The following SPOCK3 variants were observed in gnomAD, a reference collection of about 807,000 sequenced individuals.
The protein encoded by SPOCK3 is testican-3.
Under a neutral mutation model 56.6 loss-of-function variants are expected in SPOCK3, and 30 were observed. The ratio of observed to expected loss-of-function variants is 0.53; its 90% CI spans 0.40 to 0.72. SPOCK3 has a LOEUF of 0.72. Ranked by LOEUF, SPOCK3 falls within the 30% of genes least tolerant of loss-of-function variation. The pLI is 0.00. For synonymous variants in SPOCK3, 196 were observed against 183.3 expected, an observed-to-expected ratio of 1.07 and a Z score of -0.56; for missense variants, 527 against 530.0, an observed-to-expected ratio of 0.99 and a Z score of 0.06.
chr4:167,223,797 T>A (rs1021382828), intron 2 of SPOCK3, among the ~76,000 whole-genome samples: 1 of 152,096 alleles, frequency 6.6e-6, no homozygotes, highest in African/African-American at 2.4e-5. Flanking sequence ...AAAATTAAAT[T>A]AAAAGTGAAC....
At chr4:166,985,280 C>T (rs1747025677) in intron 4 of SPOCK3, among the ~76,000 whole-genome samples, 1 of 152,080 alleles carries the variant, frequency 6.6e-6, no homozygotes, top group Non-Finnish European at 1.5e-5. Flanking sequence ...TTCAAATTGA[C>T]TGCAAAAATC....
chr4:166,916,453 G>A (rs960469041), intron 4 of SPOCK3, among the ~76,000 whole-genome samples: 8 of 152,172 alleles, frequency 5.3e-5, no homozygotes, highest in African/African-American at 1.9e-4. Context: ...TCATATGAAA[G>A]CTCAACAGTC....
chr4:166,998,931 AT>A (rs1748671527), intron 4 of SPOCK3, among the ~76,000 whole-genome samples: 1 of 152,126 alleles, frequency 6.6e-6, no homozygotes, highest in South Asian at 2.1e-4. Context: ...ATTAATAGAA[AT>A]GCCAAGAAAT....
At chr4:166,954,294 G>C (rs146908646) in intron 4 of SPOCK3, among the ~76,000 whole-genome samples, 2 of 152,200 alleles carry the variant, frequency 1.3e-5, no homozygotes, top group African/African-American at 4.8e-5. Flanking sequence ...CTGTACAGAA[G>C]CTTATAGTTT....
intron 2 of SPOCK3, among the ~76,000 whole-genome samples, chr4:167,224,286 A>G (rs1368467756): frequency 6.6e-6 from 1 of 152,170 alleles, no homozygotes; most frequent in Admixed American, 6.5e-5. Flanking sequence ...CAGAGAATAA[A>G]ATAGGACAAA....
intron 4 of SPOCK3, among the ~76,000 whole-genome samples, chr4:166,956,765 A>T (rs1412199450): frequency 1.3e-5 from 2 of 151,978 alleles, no homozygotes; most frequent in Non-Finnish European, 2.9e-5. Context: ...CTTCCACTTC[A>T]CCAGAATCTT....
chr4:167,155,411 C>T (rs762759599), intron 2 of SPOCK3, among the ~76,000 whole-genome samples: 35 of 152,204 alleles, frequency 2.3e-4, no homozygotes, highest in Admixed American at 6.6e-4. Context: ...AACCACCACG[C>T]CCAGCATATC....
At chr4:167,070,355 TCAAAG>T (rs536539617) in intron 2 of SPOCK3, among the ~76,000 whole-genome samples, 6 of 151,910 alleles carry the variant, frequency 3.9e-5, no homozygotes, top group Non-Finnish European at 7.4e-5. Flanking sequence ...ATCTCCATAA[TCAAAG>T]CAAAGTTTAA....
intron 2 of SPOCK3, among the ~76,000 whole-genome samples, chr4:167,232,707 C>T (rs142531528): frequency 2.6e-5 from 4 of 152,246 alleles, no homozygotes; most frequent in African/African-American, 7.2e-5. Flanking sequence ...GATGCTTAAG[C>T]TTTGTTCATG....
chr4:167,233,146 G>T (rs529534843), intron 2 of SPOCK3, among the ~76,000 whole-genome samples: 2 of 152,248 alleles, frequency 1.3e-5, no homozygotes, highest in African/African-American at 4.8e-5. Context: ...CAGTTGTATC[G>T]TGCTCTGTAC....
chr4:167,030,083 TTCTATCTA>T (rs59694023), intron 3 of SPOCK3, among the ~76,000 whole-genome samples: 1,958 of 141,452 alleles, frequency 0.014, 19 homozygotes, highest in East Asian at 0.028. Context: ...TAATGGCTCA[TTCTATCTA>T]TCTATCTATC....
rs539148508 is a variant in SPOCK3 at position 167,149,518 on chromosome 4, A to G, written c.189+84467T>C. Among the ~76,000 whole-genome samples, 3 of 152,098 alleles carry G rather than the reference A, an allele frequency of 2.0e-5. No individual in the cohort carries two copies. In the South Asian group the frequency reaches 6.2e-4, roughly 31 times the overall value. On this transcript the variant is annotated intron_variant, in intron 2 of 10. Coordinates refer to ENST00000357545, the MANE Select transcript of SPOCK3 (RefSeq NM_001040159.2). ...GGGCTACAATTATGCTTTGAAGAAAATATAGATTCTCCTGTTGCTTGATAT... is the reference window on the plus strand; with the variant it reads ...GGGCTACAATTATGCTTTGAAGAAAGTATAGATTCTCCTGTTGCTTGATAT...
chr4:166,822,716 T>C (rs749847722), intron 6 of SPOCK3, among the ~76,000 whole-genome samples: 3 of 152,040 alleles, frequency 2.0e-5, no homozygotes, highest in Non-Finnish European at 4.4e-5. Flanking sequence ...ATTTATCATC[T>C]TTTTTTCCCC....
intron 2 of SPOCK3, among the ~76,000 whole-genome samples, chr4:167,130,229 A>T (rs1762596852): frequency 6.6e-6 from 1 of 152,042 alleles, no homozygotes; most frequent in African/African-American, 2.4e-5. Flanking sequence ...GCCTCCCAAA[A>T]CACTGGGATT....
intron 2 of SPOCK3, among the ~76,000 whole-genome samples, chr4:167,171,663 A>G (rs754042779): frequency 1.3e-4 from 20 of 152,144 alleles, no homozygotes; most frequent in Admixed American, 2.6e-4. Context: ...ACAATCCAAA[A>G]CAAACCCTAG....
At chr4:166,856,830 A>C (rs1313317828) in intron 6 of SPOCK3, among the ~76,000 whole-genome samples, 2 of 152,124 alleles carry the variant, frequency 1.3e-5, no homozygotes, top group Non-Finnish European at 2.9e-5. Flanking sequence ...ATATCTAGAT[A>C]TCTCTCTATA....
At chr4:167,146,722 A>G (rs1185927570) in intron 2 of SPOCK3, among the ~76,000 whole-genome samples, 1 of 152,180 alleles carries the variant, frequency 6.6e-6, no homozygotes, top group African/African-American at 2.4e-5. Flanking sequence ...CTGGGTAAAT[A>G]ATGAAATTAA....
chr4:166,995,581 C>A (rs1748282717), intron 4 of SPOCK3, among the ~76,000 whole-genome samples: 1 of 151,916 alleles, frequency 6.6e-6, no homozygotes, highest in African/African-American at 2.4e-5. Context: ...ATCTATCTAT[C>A]TACCTATCTA....
chr4:166,780,553 C>G (rs1373816966), intron 7 of SPOCK3, among the ~76,000 whole-genome samples: 1 of 151,986 alleles, frequency 6.6e-6, no homozygotes, highest in Non-Finnish European at 1.5e-5. Flanking sequence ...AGGGGTAAGC[C>G]CAATATCCTG....
Sources: allele counts gnomAD v4.1 joint callset (sites outside exome capture counted in the v4.1 genomes callset), GRCh38; gene constraint gnomAD v4.1.1; transcripts MANE v1.5; gene names NCBI Gene and HGNC (gene_info 2026-07-23, HGNC 2026-07-21).